SCHIP1: variants seen among roughly 807,000 people sequenced by gnomAD.
SCHIP1 encodes schwannomin interacting protein 1, also known as schwannomin-interacting protein 1.
SCHIP1 carries 8 observed loss-of-function variants against 29.7 expected under a neutral mutation model. That is an observed-to-expected ratio of 0.27 (90% confidence interval 0.16 to 0.49). The LOEUF is 0.49. Ranked by LOEUF, SCHIP1 falls within the 20% of genes least tolerant of loss-of-function variation. SCHIP1 has a pLI of 0.99. For missense variants in SCHIP1, 193 were observed against 294.6 expected (o/e 0.66, Z 2.52); for synonymous variants, 76 against 94.9 (o/e 0.80, Z 1.16).
At chr3:159,286,613 G>A in the SCHIP1 span, among the ~76,000 whole-genome samples, 1 of 152,172 alleles carries the variant, frequency 6.6e-6, no homozygotes, top group Non-Finnish European at 1.5e-5. Context: ...TGGGTAGAAT[G>A]ATAATTCTGC....
At chr3:159,753,377 C>T in the SCHIP1 span, among the ~76,000 whole-genome samples, 16 of 151,986 alleles carry the variant, frequency 1.1e-4, no homozygotes, top group African/African-American at 3.1e-4. Flanking sequence ...TTTTTTCTCC[C>T]CTACCAAAAC....
At chr3:159,645,812 G>T in the SCHIP1 span, among the ~76,000 whole-genome samples, 1 of 152,110 alleles carries the variant, frequency 6.6e-6, no homozygotes, top group Non-Finnish European at 1.5e-5. Context: ...AAAAATCAAA[G>T]GGTGGTGTCC....
the SCHIP1 span, among the ~76,000 whole-genome samples, chr3:159,307,267 T>C: frequency 6.6e-6 from 1 of 152,232 alleles, no homozygotes; most frequent in Non-Finnish European, 1.5e-5. Flanking sequence ...GGACCTGGAC[T>C]CGATCCCAGG....
At chr3:159,436,853 A>C in the SCHIP1 span, among the ~76,000 whole-genome samples, 2 of 152,078 alleles carry the variant, frequency 1.3e-5, no homozygotes, top group Non-Finnish European at 2.9e-5. Flanking sequence ...GGTATATACC[A>C]GGAGTCTATG....
At chr3:159,430,511 C>T in the SCHIP1 span, among the ~76,000 whole-genome samples, 1 of 151,948 alleles carries the variant, frequency 6.6e-6, no homozygotes, top group Non-Finnish European at 1.5e-5. Flanking sequence ...CTTTTTTGTG[C>T]ATATTGAGGG....
At chr3:159,564,994 T>C in the SCHIP1 span, among the ~76,000 whole-genome samples, 1 of 152,248 alleles carries the variant, frequency 6.6e-6, no homozygotes, top group Non-Finnish European at 1.5e-5. Context: ...AATTGCTGGA[T>C]CATGTATGTG....
the SCHIP1 span, among the ~76,000 whole-genome samples, chr3:159,300,594 C>A: frequency 6.6e-6 from 1 of 152,184 alleles, no homozygotes; most frequent in Admixed American, 6.5e-5. Context: ...GAACTCTTAA[C>A]ATTTTCTGAA....
chr3:159,318,878 T>C, the SCHIP1 span, among the ~76,000 whole-genome samples: 11 of 152,114 alleles, frequency 7.2e-5, no homozygotes, highest in Non-Finnish European at 1.5e-5. Flanking sequence ...TGATGACCCA[T>C]AGTCAAACAT....
chr3:159,752,630 G>A, the SCHIP1 span, among the ~76,000 whole-genome samples: 50 of 152,120 alleles, frequency 3.3e-4, no homozygotes, highest in Middle Eastern at 3.4e-3. Context: ...AAGAGGGAGT[G>A]GGGTGGGGAA....
the SCHIP1 span, among the ~76,000 whole-genome samples, chr3:159,718,107 T>C: frequency 6.6e-6 from 1 of 152,298 alleles, no homozygotes; most frequent in Non-Finnish European, 1.5e-5. Flanking sequence ...ATCCATTATA[T>C]AAACAGAACC....
chr3:159,337,506 T>A, the SCHIP1 span, among the ~76,000 whole-genome samples: 1 of 152,150 alleles, frequency 6.6e-6, no homozygotes, highest in South Asian at 2.1e-4. Context: ...AGTCTCAGGA[T>A]ACAAAATCAA....
the SCHIP1 span, among the ~76,000 whole-genome samples, chr3:159,556,880 C>T: frequency 3.3e-5 from 5 of 150,156 alleles, no homozygotes; most frequent in African/African-American, 1.2e-4. Context: ...AACAAACCTG[C>T]ACATTGTGCA....
the SCHIP1 span, among the ~76,000 whole-genome samples, chr3:159,413,307 GC>G: frequency 5.2e-4 from 79 of 152,302 alleles, no homozygotes; most frequent in African/African-American, 1.9e-3. Context: ...AGGCTGCAGG[GC>G]TAAGCAGAGC....
chr3:159,787,400 G>A, the SCHIP1 span, among the ~76,000 whole-genome samples: 5 of 152,106 alleles, frequency 3.3e-5, no homozygotes, highest in East Asian at 1.9e-4. Flanking sequence ...AAGCTTTTCG[G>A]TTCTTTCTCT....
chr3:159,274,030 G>T, the SCHIP1 span: 1 of 1,467,730 alleles, frequency 6.8e-7, no homozygotes, highest in Non-Finnish European at 9.0e-7. Flanking sequence ...AGCATTTAAG[G>T]TATATTGGAA....
At chr3:159,522,972 A>G in the SCHIP1 span, among the ~76,000 whole-genome samples, 1 of 152,230 alleles carries the variant, frequency 6.6e-6, no homozygotes, top group Non-Finnish European at 1.5e-5. Flanking sequence ...AATTTCAAAC[A>G]TACGCAAAAA....
At chr3:159,293,911 A>G in the SCHIP1 span, among the ~76,000 whole-genome samples, 1 of 152,156 alleles carries the variant, frequency 6.6e-6, no homozygotes, top group Non-Finnish European at 1.5e-5. Context: ...CCAAGAACCA[A>G]GGGGTCCACA....
chr3:159,881,526 A>G (rs768543363), intron 2 of SCHIP1, among the ~76,000 whole-genome samples: 8 of 152,240 alleles, frequency 5.3e-5, no homozygotes, highest in Non-Finnish European at 1.0e-4. Context: ...TCCTAAGGAA[A>G]GCCATACAAT....
At chr3:159,507,104 G>A in the SCHIP1 span, among the ~76,000 whole-genome samples, 1 of 152,164 alleles carries the variant, frequency 6.6e-6, no homozygotes. Context: ...CATGAGCATG[G>A]AATGTTCTTC....
Sources: gnomAD v4.1 joint callset for allele counts (sites outside exome capture counted in the v4.1 genomes callset) on GRCh38, gnomAD v4.1.1 for gene constraint, MANE v1.5 for transcripts, NCBI Gene and HGNC (gene_info 2026-07-23, HGNC 2026-07-21) for gene names.